BACE2: variants seen among roughly 807,000 people sequenced by gnomAD.
BACE2 encodes the protein 56 kDa aspartic-like protease.
BACE2 carries 17 observed loss-of-function variants against 46.2 expected under a neutral mutation model. The ratio of observed to expected loss-of-function variants is 0.37; its 90% CI spans 0.25 to 0.55. The LOEUF is 0.55. BACE2 is among the 20% of genes least tolerant of loss of function. The pLI, the probability that BACE2 is intolerant of heterozygous loss-of-function variation, is 0.82. For missense variants in BACE2, 595 were observed against 698.1 expected (o/e 0.85, Z 1.66); for synonymous variants, 277 against 295.9 (o/e 0.94, Z 0.66).
intron 7 of BACE2, among the ~76,000 whole-genome samples, chr21:41,251,340 C>G (rs1341167293): frequency 1.3e-5 from 2 of 152,182 alleles, no homozygotes; most frequent in Non-Finnish European, 2.9e-5. Flanking sequence ...CAAACAAGCC[C>G]AAGGCTAGCC....
chr21:41,222,176 T>G (rs1265426965), intron 1 of BACE2, among the ~76,000 whole-genome samples: 1 of 152,066 alleles, frequency 6.6e-6, no homozygotes, highest in Non-Finnish European at 1.5e-5. Flanking sequence ...CAGAGCTCTG[T>G]TATGAGGTTG....
Position 41,193,172 on chromosome 21 carries a change from G to A in BACE2, c.312+24597G>A, listed in dbSNP as rs868108498. On this transcript the variant is annotated intron_variant, in intron 1 of 8. Transcript: ENST00000330333. The surrounding 1 kb of genome is among the most constrained non-coding windows in gnomAD (Gnocchi z 4.2). ...CCAAATAAGATTATGACATAAAGCC[G>A]GAGAGTTTACTGTCCTACCCCTGAG... Among the ~76,000 whole-genome samples the A allele has an allele frequency of 1.3e-5, 2 of 152,156 alleles. No individual in the cohort carries two copies. The highest frequency in any genetic ancestry group is 6.5e-5 in the Admixed American group (1 of 15,280).
chr21:41,223,983 T>C (rs1438436296), intron 1 of BACE2, among the ~76,000 whole-genome samples: 1 of 151,968 alleles, frequency 6.6e-6, no homozygotes, highest in African/African-American at 2.4e-5. Context: ...GAAGCACCTG[T>C]CCGTGAGACT....
chr21:41,193,876 C>T lies in BACE2; in HGVS notation c.312+25301C>T, dbSNP rs991617536. 2.0e-4 allele frequency among the ~76,000 whole-genome samples: 31 copies of T among 152,264 alleles called. No homozygotes were observed. The highest frequency in any genetic ancestry group is 7.2e-4 in the African/African-American group (30 of 41,562). ...TTAACGTCAGCTCAGAGCCAGTGTC[C>T]AGTAGTCCCTGAAATGTCTGATCAT... is the stretch of plus-strand genomic sequence containing the variant. On this transcript the variant is annotated intron_variant, in intron 1 of 8. Coordinates refer to ENST00000330333, the MANE Select transcript of BACE2 (RefSeq NM_012105.5). This position sits in a 1 kb window ranked among gnomAD's most constrained non-coding sequence, Gnocchi z 4.2.
chr21:41,235,853 T>TG (rs1987102920), intron 2 of BACE2, among the ~76,000 whole-genome samples: 3 of 146,996 alleles, frequency 2.0e-5, no homozygotes, highest in African/African-American at 8.0e-5. Flanking sequence ...AAAGAAATAA[T>TG]AAATGAATGA....
At chr21:41,263,821 G>T (rs1204941269) in intron 8 of BACE2, among the ~76,000 whole-genome samples, 1 of 152,150 alleles carries the variant, frequency 6.6e-6, no homozygotes, top group Non-Finnish European at 1.5e-5. Context: ...ATGTGTCTAG[G>T]TATAGGGTAT....
rs1568853912 is a variant in BACE2, at chr21:41,174,138, C to CTTTTTTTTTTTTTTTT, written c.312+5563_312+5564insTTTTTTTTTTTTTTTT. Among the ~76,000 whole-genome samples the CTTTTTTTTTTTTTTTT allele has an allele frequency of 5.6e-3, 392 of 70,502 alleles. 45 individuals are homozygous for CTTTTTTTTTTTTTTTT. Among genetic ancestry groups the CTTTTTTTTTTTTTTTT allele is most frequent in the African/African-American group, 0.012 (128 of 10,540 alleles). 46.3% of individuals were successfully genotyped at this position (70,502 alleles called of 152,430 possible). On this transcript the variant is annotated intron_variant, in intron 1 of 8. Transcript: ENST00000330333. ...TAAGGATAGCTGTTGTGATCAGTGG[C>CTTTTTTTTTTTTTTTT]CTTTTTTTTTTTTTTTTTTTTTTTT...
At chr21:41,200,401 C>T (rs951021904) in intron 1 of BACE2, among the ~76,000 whole-genome samples, 13 of 152,130 alleles carry the variant, frequency 8.5e-5, no homozygotes, top group Non-Finnish European at 1.8e-4. Context: ...GCTGTAGAAA[C>T]TTAGAAGCCA....
chr21:41,232,744 G>A (rs961273831), intron 2 of BACE2, among the ~76,000 whole-genome samples: 16 of 152,088 alleles, frequency 1.1e-4, no homozygotes, highest in African/African-American at 3.4e-4. Flanking sequence ...AGAAGCAGAT[G>A]CCAGCAACAT....
At chr21:41,221,779 G>T (rs1287049336) in intron 1 of BACE2, among the ~76,000 whole-genome samples, 1 of 145,992 alleles carries the variant, frequency 6.8e-6, no homozygotes, top group East Asian at 2.1e-4. Flanking sequence ...AGTGAGCTGA[G>T]ATAGAGCCAC....
chr21:41,242,518 G>A (rs143972166), intron 4 of BACE2, among the ~76,000 whole-genome samples: 50 of 152,268 alleles, frequency 3.3e-4, no homozygotes, highest in African/African-American at 1.2e-3. Context: ...CTAGAAGGGG[G>A]TGCTGCCAGT....
At chr21:41,227,239 C>T (rs781591349) in intron 2 of BACE2, among the ~76,000 whole-genome samples, 12 of 152,192 alleles carry the variant, frequency 7.9e-5, no homozygotes, top group Non-Finnish European at 1.8e-4. Flanking sequence ...TTAAATTCAA[C>T]GGACAGAACA....
chr21:41,198,102 G>T (rs973603669), intron 1 of BACE2, among the ~76,000 whole-genome samples: 1 of 151,914 alleles, frequency 6.6e-6, no homozygotes, highest in Non-Finnish European at 1.5e-5. Context: ...AGCAATTCTC[G>T]TGCCTCAGCC....
chr21:41,231,701 G>T (rs938700760), intron 2 of BACE2, among the ~76,000 whole-genome samples: 1 of 152,100 alleles, frequency 6.6e-6, no homozygotes, highest in African/African-American at 2.4e-5. Flanking sequence ...CTGTGAGCAG[G>T]CTTTTTCCTG....
At chr21:41,183,784 A>G (rs1408193163) in intron 1 of BACE2, 2 of 167,074 alleles carry the variant, frequency 1.2e-5, no homozygotes, top group Non-Finnish European at 2.9e-5. Flanking sequence ...TCTAGTATTG[A>G]TGGAAGCTTT....
chr21:41,278,817 G>A lies in BACE2; in HGVS notation c.*3193G>A, dbSNP rs1164764592. ...ACGTGTGGTTCAGTTCTAAGTTCTGGACTAGTGCCACTCGATATCATTGGG... is the reference window on the plus strand; with the variant it reads ...ACGTGTGGTTCAGTTCTAAGTTCTGAACTAGTGCCACTCGATATCATTGGG... On this transcript the variant is annotated 3_prime_UTR_variant, in exon 9 of 9. Coordinates refer to ENST00000330333, the MANE Select transcript of BACE2 (RefSeq NM_012105.5). 2 of 152,010 alleles carry A rather than the reference G, an allele frequency of 1.3e-5. No homozygotes were observed. The highest frequency in any genetic ancestry group is 4.8e-5 in the African/African-American group (2 of 41,364). The allele number at this position is 152,010 out of a possible 1,614,324, so 9.4% of individuals were successfully genotyped here.
intron 1 of BACE2, among the ~76,000 whole-genome samples, chr21:41,188,099 C>G (rs1330645793): frequency 6.6e-6 from 1 of 152,168 alleles, no homozygotes; most frequent in African/African-American, 2.4e-5. Context: ...CTTCTATGAT[C>G]CCTCCTTCTT....
Position 41,221,975 on chromosome 21 carries a change from C to T in BACE2, c.313-4291C>T, listed in dbSNP as rs191888634. Among the ~76,000 whole-genome samples the T allele has an allele frequency of 5.3e-5, 8 of 152,282 alleles. No individual in the cohort carries two copies. The South Asian group carries it at 1.5e-3, about 28-fold the overall frequency. On this transcript the variant is annotated intron_variant, in intron 1 of 8. Transcript: ENST00000330333. ...GTGGGGCGGAGGCAGCAGGAGCTGT[C>T]GGGACCCCGTGAATGGCATGATTGC...
chr21:41,251,477 C>A (rs1359151828), intron 7 of BACE2, among the ~76,000 whole-genome samples: 2 of 152,180 alleles, frequency 1.3e-5, no homozygotes, highest in Admixed American at 6.5e-5. Flanking sequence ...TACCACATCA[C>A]CCTTATACAT....
Sources: gnomAD v4.1 joint callset for allele counts (sites outside exome capture counted in the v4.1 genomes callset) on GRCh38, gnomAD v4.1.1 for gene constraint, Gnocchi (gnomAD v3.1) non-coding constraint, MANE v1.5 for transcripts, NCBI Gene and HGNC (gene_info 2026-07-23, HGNC 2026-07-21) for gene names.